MGAM: variants seen among roughly 807,000 people sequenced by gnomAD.
MGAM encodes alpha-1,4-glucosidase.
In MGAM, 253 loss-of-function variants were observed where a neutral mutation model predicts 358.8. The ratio of observed to expected loss-of-function variants is 0.71; its 90% confidence interval spans 0.64 to 0.78. MGAM has a LOEUF of 0.78. Ranked by LOEUF, MGAM falls within the 30% of genes least tolerant of loss-of-function variation. The pLI is 0.00. For synonymous variants in MGAM, 1,105 were observed against 1,227.1 expected (o/e 0.90, Z 2.08); for missense variants, 3,080 against 3,432.6 (o/e 0.90, Z 2.57).
rs1242523176 is a variant in MGAM, at chr7:142,065,633, T to A, written c.4653+11T>A. The stretch of plus-strand genomic sequence containing the variant: ...TTTGGCATATCCTATGTGAGTGTCC[T>A]TGGGATCCTCCTAAGCACCAAGAAG... On this transcript the variant is annotated intron_variant, in intron 39 of 70. Transcript: ENST00000475668. The A allele has an allele frequency of 6.2e-7, 1 of 1,613,414 alleles. No individual in the cohort carries two copies. Among genetic ancestry groups the A allele is most frequent in the Non-Finnish European group, 8.5e-7 (1 of 1,179,726 alleles).
intron 8 of MGAM, among the ~76,000 whole-genome samples, chr7:142,026,259 A>G (rs782388664): frequency 2.2e-4 from 33 of 151,976 alleles, no homozygotes; most frequent in Middle Eastern, 3.2e-3. Flanking sequence ...AGTTACCTCC[A>G]TGTCTAGTTG....
chr7:141,998,892 T>C (rs1727616285), intron 1 of MGAM, among the ~76,000 whole-genome samples: 1 of 152,220 alleles, frequency 6.6e-6, no homozygotes, highest in Admixed American at 6.5e-5. Context: ...CGTTCATATG[T>C]ATATAGTAAT....
intron 21 of MGAM, among the ~76,000 whole-genome samples, chr7:142,045,715 A>G (rs1382524998): frequency 1.2e-5 from 1 of 85,466 alleles, no homozygotes; most frequent in Non-Finnish European, 2.2e-5. Context: ...TATATAATAT[A>G]TAATATATAC....
rs558737959 is a variant in MGAM, at chr7:142,085,724, A to G, written c.6508-109A>G. The G allele has an allele frequency of 3.2e-3, 4,398 of 1,353,520 alleles. 586 individuals are homozygous for G. The highest frequency in any genetic ancestry group is 4.0e-3 in the Non-Finnish European group (4,058 of 1,002,582). The allele number at this position is 1,353,520 out of a possible 1,614,324, so 83.8% of individuals were successfully genotyped here. On this transcript the variant is annotated intron_variant, in intron 54 of 70. Coordinates refer to ENST00000475668, the MANE Select transcript of MGAM (RefSeq NM_001365693.1). ...AATGGCAGAGCTCGGACTTGAAAGCATCAACAAGAAGCTATCTGGAATTCC... is the reference window on the plus strand; with the variant it reads ...AATGGCAGAGCTCGGACTTGAAAGCGTCAACAAGAAGCTATCTGGAATTCC...
chr7:142,071,139 T>C (rs764863460), intron 44 of MGAM, 21 bp downstream of exon 44: 1 of 1,540,074 alleles, frequency 6.5e-7, no homozygotes, highest in South Asian at 1.1e-5. Context: ...GGACTCAGGT[T>C]TTCCTTTACA....
At chr7:142,048,877 A>G (rs1220853699) in intron 22 of MGAM, among the ~76,000 whole-genome samples, 1 of 152,150 alleles carries the variant, frequency 6.6e-6, no homozygotes, top group Non-Finnish European at 1.5e-5. Flanking sequence ...AGGATTTAAT[A>G]TATATATAGG....
chr7:141,990,762 T>C (rs1463293695), intron 2 of MGAM, among the ~76,000 whole-genome samples: 24 of 152,224 alleles, frequency 1.6e-4, no homozygotes, highest in Admixed American at 1.6e-3. Context: ...ACATGTGCCA[T>C]GCTGGTGCGC....
chr7:142,016,589 T>C (rs7809134), intron 3 of MGAM, among the ~76,000 whole-genome samples: 4,116 of 152,204 alleles, frequency 0.027, 204 homozygotes, highest in African/African-American at 0.092. Flanking sequence ...TTAGTATGGC[T>C]TTTATTTTAT....
At chr7:142,045,114 A>AT (rs1809900391) in intron 21 of MGAM, among the ~76,000 whole-genome samples, 2 of 98,886 alleles carry the variant, frequency 2.0e-5, no homozygotes, top group African/African-American at 7.5e-5. Context: ...ATATACGTGC[A>AT]ATATATGATA....
At position 142,047,816 on chromosome 7, in the gene MGAM, C is replaced by T; in HGVS notation, c.2530C>T (p.Leu844=). 4 of 1,612,586 alleles carry T rather than the reference C, an allele frequency of 2.5e-6. No individual in the cohort carries two copies. The highest frequency in any genetic ancestry group is 3.4e-6 in the Non-Finnish European group (4 of 1,178,752). ...RKNPLGLIIA[L]DENKEAKGEL... ...GAACCCTCTTGGTCTTATCATTGCC[C>T]TAGATGAGAACAAAGAAGCAAAAGG... is the stretch of plus-strand genomic sequence containing the variant. Residue 844 remains leucine (L), a synonymous_variant, in exon 22 of 71, where the codon CTA becomes TTA. Coordinates refer to ENST00000475668, the MANE Select transcript of MGAM (RefSeq NM_001365693.1).
chr7:142,040,102 T>G lies in MGAM; in HGVS notation c.2317-13T>G. 6.2e-7 allele frequency: 1 copy of G among 1,603,684 alleles called. No homozygotes were observed. Among genetic ancestry groups the G allele is most frequent in the Non-Finnish European group, 8.5e-7 (1 of 1,172,210 alleles). On this transcript the variant is annotated splice_polypyrimidine_tract_variant and intron_variant, in intron 19 of 70. Coordinates refer to ENST00000475668, the MANE Select transcript of MGAM (RefSeq NM_001365693.1). Reference sequence around the variant, plus strand: ...TATTTCCCTCAGGGGACACTACATTTTTTTAATTTCAGGGTGCAGAGAAAG... The same window carrying G: ...TATTTCCCTCAGGGGACACTACATTGTTTTAATTTCAGGGTGCAGAGAAAG...
chr7:141,991,141 A>T (rs1015664258), upstream of MGAM, among the ~76,000 whole-genome samples: 3 of 152,240 alleles, frequency 2.0e-5, no homozygotes, highest in Admixed American at 1.3e-4. Flanking sequence ...GGATAATAAC[A>T]GTACCGACTG....
chr7:142,033,478 A>G (rs1028042397), intron 14 of MGAM, among the ~76,000 whole-genome samples: 5 of 152,210 alleles, frequency 3.3e-5, no homozygotes, highest in Admixed American at 2.6e-4. Context: ...AGGTTCAAGG[A>G]CAGATTATAT....
intron 1 of MGAM, among the ~76,000 whole-genome samples, chr7:142,003,173 T>C (rs1295520169): frequency 6.6e-6 from 1 of 151,960 alleles, no homozygotes; most frequent in Non-Finnish European, 1.5e-5. Context: ...AGTGCAATTG[T>C]TATCAAATTA....
chr7:142,047,760 G>C, intron 21 of MGAM, 25 bp from the exon 22 acceptor site: 1 of 1,592,418 alleles, frequency 6.3e-7, no homozygotes, highest in East Asian at 2.2e-5. Flanking sequence ...TCCTGTCTTT[G>C]TGTCTTGAAT....
chr7:142,049,585 T>C (rs981363868), intron 22 of MGAM, among the ~76,000 whole-genome samples: 2 of 152,214 alleles, frequency 1.3e-5, no homozygotes, highest in African/African-American at 4.8e-5. Flanking sequence ...AATAAGGAAC[T>C]CATGCAACTC....
At position 142,047,834 on chromosome 7, in the gene MGAM, G is replaced by T; in HGVS notation, c.2548G>T (p.Ala850Ser). 6.2e-7 allele frequency: 1 copy of T among 1,612,526 alleles called. No individual in the cohort carries two copies. Among genetic ancestry groups the T allele is most frequent in the Non-Finnish European group, 8.5e-7 (1 of 1,178,722 alleles). ...LIIALDENKE[A>S]KGELFWDNGE... ...CATTGCCCTAGATGAGAACAAAGAA[G>T]CAAAAGGAGAACTTTTCTGGGATAA... Residue 850 changes from alanine to serine, a missense_variant, in exon 22 of 71, where the codon GCA becomes TCA. Around this residue, in one of 5 missense-constraint regions of MGAM, gnomAD observed 1,816 missense variants for 1,840.5 expected, o/e 0.99. Coordinates refer to ENST00000475668, the MANE Select transcript of MGAM (RefSeq NM_001365693.1).
At chr7:142,010,090 G>A (rs939953026) in intron 3 of MGAM, among the ~76,000 whole-genome samples, 12 of 152,112 alleles carry the variant, frequency 7.9e-5, no homozygotes, top group African/African-American at 2.9e-4. Context: ...AAATACCATT[G>A]TTTGATTCTC....
At chr7:142,095,206 G>C (rs1333850375) in intron 63 of MGAM, among the ~76,000 whole-genome samples, 1 of 152,078 alleles carries the variant, frequency 6.6e-6, no homozygotes, top group Non-Finnish European at 1.5e-5. Context: ...CTCAGTCCCC[G>C]AAAGTGCTGG....
Sources: allele counts gnomAD v4.1 joint callset (sites outside exome capture counted in the v4.1 genomes callset), GRCh38; gene constraint gnomAD v4.1.1; regional missense constraint gnomAD v4.1.1; transcripts MANE v1.5; gene names NCBI Gene and HGNC (gene_info 2026-07-23, HGNC 2026-07-21).